RAB5A: variants seen among roughly 807,000 people sequenced by gnomAD.
RAB5A encodes the protein ras-related protein Rab-5A.
A neutral mutation model predicts 25.7 loss-of-function variants in RAB5A; 8 were observed. The ratio of observed to expected loss-of-function variants is 0.31; its 90% CI spans 0.18 to 0.56. The LOEUF (loss-of-function observed/expected upper bound fraction) is 0.56. Ranked by LOEUF, RAB5A falls within the 20% of genes least tolerant of loss-of-function variation. The probability of loss-of-function intolerance (pLI) is 0.91; values close to 1 mark genes in which losing one functional copy is unlikely to be tolerated. For synonymous variants in RAB5A, 98 were observed against 89.8 expected (o/e 1.09, Z -0.52); for missense variants, 192 against 259.7 (o/e 0.74, Z 1.79).
At chr3:19,953,031 A>G (rs542242056) in intron 2 of RAB5A, among the ~76,000 whole-genome samples, 24 of 152,192 alleles carry the variant, frequency 1.6e-4, no homozygotes, top group Non-Finnish European at 3.4e-4. Flanking sequence ...GGGACTTACT[A>G]TATGCTACTC....
intron 2 of RAB5A, among the ~76,000 whole-genome samples, chr3:19,965,974 C>T (rs183452947): frequency 1.3e-5 from 2 of 152,252 alleles, no homozygotes; most frequent in African/African-American, 2.4e-5. Flanking sequence ...GCAGCATACC[C>T]GCCTGGGCCT....
intron 2 of RAB5A, among the ~76,000 whole-genome samples, chr3:19,955,022 C>G (rs1465953534): frequency 6.6e-6 from 1 of 152,148 alleles, no homozygotes; most frequent in African/African-American, 2.4e-5. Flanking sequence ...GCAGTAGGCT[C>G]AGAGAGTTGT....
At position 19,951,266 on chromosome 3, in the gene RAB5A, G is replaced by A. The variant is rs1009452635; in HGVS notation, c.163+205G>A. 2.9e-5 allele frequency: 15 copies of A among 509,080 alleles called. No individual in the cohort carries two copies. In the Admixed American group the frequency reaches 5.4e-4, roughly 18 times the overall value. 31.5% of individuals were successfully genotyped at this position (509,080 alleles called of 1,614,324 possible). On this transcript the variant is annotated intron_variant, in intron 2 of 5. Transcript: ENST00000273047. ...TATTTGATTGTTTGGTTAATCCCTT[G>A]TGGTTATATTGTAGCTAAAATACAG...
At chr3:19,949,461 A>G (rs912829247) in intron 1 of RAB5A, among the ~76,000 whole-genome samples, 31 of 152,098 alleles carry the variant, frequency 2.0e-4, no homozygotes, top group Admixed American at 8.5e-4. Flanking sequence ...CCTCACCCCC[A>G]AAGTGTTGGG....
intron 5 of RAB5A, 133 bp from the exon 6 acceptor site, chr3:19,983,575 G>A (rs2125134976): frequency 1.5e-6 from 1 of 661,378 alleles, no homozygotes; most frequent in South Asian, 1.9e-5. Flanking sequence ...GTAAACATTT[G>A]AAAAGAATGA....
intron 2 of RAB5A, among the ~76,000 whole-genome samples, chr3:19,956,181 G>A (rs1054520594): frequency 1.3e-5 from 2 of 152,076 alleles, no homozygotes; most frequent in Non-Finnish European, 2.9e-5. Flanking sequence ...AAGAAATTTA[G>A]TGTAGGCCGG....
At chr3:19,978,267 A>G in intron 4 of RAB5A, 43 bp from the exon 5 acceptor site, 1 of 1,307,684 alleles carries the variant, frequency 7.6e-7, no homozygotes, top group Non-Finnish European at 1.1e-6. Flanking sequence ...GTGTATTTCC[A>G]AGAGATATAT....
chr3:19,951,100 C>T lies in RAB5A; in HGVS notation c.163+39C>T, dbSNP rs180981510. 4.1e-5 allele frequency: 65 copies of T among 1,586,904 alleles called. No homozygotes were observed. In the Admixed American group the frequency reaches 1.1e-3, roughly 27 times the overall value. On this transcript the variant is annotated intron_variant, in intron 2 of 5. Coordinates refer to ENST00000273047, the MANE Select transcript of RAB5A (RefSeq NM_004162.5). ...TTTTCCCTGCTTCATTTAATCGAATCATACATTGACAGAAAATATTTTGAT... is the reference window on the plus strand; with the variant it reads ...TTTTCCCTGCTTCATTTAATCGAATTATACATTGACAGAAAATATTTTGAT...
chr3:19,962,540 G>A (rs1241780926), intron 2 of RAB5A, among the ~76,000 whole-genome samples: 2 of 152,016 alleles, frequency 1.3e-5, no homozygotes, highest in East Asian at 3.9e-4. Context: ...CTGCATTTCA[G>A]CCTGGGCAAC....
rs1243471678 is a variant in RAB5A, at chr3:19,976,070, T to C, written c.339T>C (p.Asn113=). Residue 113 remains asparagine, a synonymous_variant, in exon 4 of 6, where the codon AAT becomes AAC. Coordinates refer to ENST00000273047, the MANE Select transcript of RAB5A (RefSeq NM_004162.5). ...AGGAGTCCTTTGCAAGAGCAAAAAATTGGGTTAAAGAACTTCAGAGGCAAG... is the reference window on the plus strand; with the variant it reads ...AGGAGTCCTTTGCAAGAGCAAAAAACTGGGTTAAAGAACTTCAGAGGCAAG... ...TNEESFARAK[N]WVKELQRQAS... The C allele has an allele frequency of 5.5e-5, 88 of 1,611,852 alleles. No homozygotes were observed. The highest frequency in any genetic ancestry group is 7.3e-5 in the Non-Finnish European group (86 of 1,179,426).
chr3:19,977,609 T>G (rs1426955068), intron 4 of RAB5A, among the ~76,000 whole-genome samples: 1 of 152,192 alleles, frequency 6.6e-6, no homozygotes, highest in Non-Finnish European at 1.5e-5. Context: ...CTTTCCAAAA[T>G]TGTTGCCTTC....
chr3:19,952,219 A>G (rs1335271387), intron 2 of RAB5A, among the ~76,000 whole-genome samples: 1 of 152,208 alleles, frequency 6.6e-6, no homozygotes, highest in Non-Finnish European at 1.5e-5. Flanking sequence ...CTATAATTAT[A>G]TAGCAGTGGG....
intron 2 of RAB5A, among the ~76,000 whole-genome samples, chr3:19,954,215 A>G (rs1002642935): frequency 1.1e-4 from 17 of 152,116 alleles, no homozygotes; most frequent in Non-Finnish European, 1.8e-4. Context: ...GGGTTTTGCC[A>G]TCTTGGCCAG....
intron 4 of RAB5A, among the ~76,000 whole-genome samples, chr3:19,977,714 A>T (rs530885147): frequency 1.3e-5 from 2 of 152,336 alleles, no homozygotes; most frequent in East Asian, 3.9e-4. Flanking sequence ...TTCTTTGTCC[A>T]ATGGGAAAGA....
chr3:19,962,419 T>C (rs1003932045), intron 2 of RAB5A, among the ~76,000 whole-genome samples: 5 of 150,882 alleles, frequency 3.3e-5, no homozygotes, highest in African/African-American at 9.8e-5. Flanking sequence ...AATACAAAAA[T>C]TAACCGGGCA....
intron 2 of RAB5A, among the ~76,000 whole-genome samples, chr3:19,975,157 CG>C (rs1559491683): frequency 1.3e-5 from 2 of 148,526 alleles, no homozygotes; most frequent in East Asian, 4.0e-4. Context: ...ACCCGGGAGG[CG>C]GAGGTTGCAG....
At chr3:19,951,217 C>T (rs553693581) in intron 2 of RAB5A, 156 bp downstream of exon 2, 2 of 743,332 alleles carry the variant, frequency 2.7e-6, no homozygotes, top group Non-Finnish European at 2.0e-6. Flanking sequence ...TTGCCTTTAT[C>T]TTTGTTAAAA....
chr3:19,947,940 A>G (rs1407595317), intron 1 of RAB5A: 3 of 152,238 alleles, frequency 2.0e-5, no homozygotes, highest in East Asian at 3.9e-4. Flanking sequence ...GTAGTTGGCT[A>G]TTAGCTACTC....
At chr3:19,980,736 C>T (rs1254239822) in intron 5 of RAB5A, among the ~76,000 whole-genome samples, 1 of 152,208 alleles carries the variant, frequency 6.6e-6, no homozygotes, top group African/African-American at 2.4e-5. Context: ...TGGGGCTTTG[C>T]TTGTAAATAC....
Sources: allele counts gnomAD v4.1 joint callset (sites outside exome capture counted in the v4.1 genomes callset), GRCh38; gene constraint gnomAD v4.1.1; transcripts MANE v1.5; gene names NCBI Gene and HGNC (gene_info 2026-07-23, HGNC 2026-07-21).